Variants in SLX4 observed in about 807,000 individuals in gnomAD.
SLX4 encodes SLX4 structure-specific endonuclease subunit.
SLX4 carries 112 observed loss-of-function variants against 146.2 expected under a neutral mutation model. The observed-to-expected ratio is 0.77, with a 90% CI of 0.66 to 0.90. The LOEUF (loss-of-function observed/expected upper bound fraction) is 0.90, where lower values mean the gene tolerates loss of function less well. SLX4 is among the 40% of genes least tolerant of loss of function. The probability of loss-of-function intolerance (pLI) is 0.00; values close to 1 mark genes in which losing one functional copy is unlikely to be tolerated. For synonymous variants in SLX4, 1,061 were observed against 997.7 expected (o/e 1.06, Z -1.20); for missense variants, 2,563 against 2,392.7 (o/e 1.07, Z -1.49).
At chr16:3,585,352 C>T (rs896038954) in intron 12 of SLX4, among the ~76,000 whole-genome samples, 3 of 152,010 alleles carry the variant, frequency 2.0e-5, no homozygotes, top group East Asian at 1.9e-4. Flanking sequence ...TTTGGGAGGC[C>T]GAGGTGGGCG....
chr16:3,590,225 G>A lies in SLX4; in HGVS notation c.3413C>T (p.Ser1138Phe). 6.2e-7 allele frequency: 1 copy of A among 1,614,206 alleles called. No individual in the cohort carries two copies. Among genetic ancestry groups the A allele is most frequent in the Non-Finnish European group, 8.5e-7 (1 of 1,180,032 alleles). The change falls in exon 12 of 15, where the codon TCT (serine) becomes TTT (phenylalanine). Residue 1138 changes from serine to phenylalanine, a missense_variant. Ser to Phe is a radical substitution (Grantham distance 155). Transcript: ENST00000294008. This position sits in a 1 kb window ranked among gnomAD's most constrained non-coding sequence, Gnocchi z 4.8. Reference sequence around the variant, plus strand: ...GTTCAGTTTGGATGAAGATTTCTGAGATCTGGAGCTCGAATGGTCAGGATT... The same window carrying A: ...GTTCAGTTTGGATGAAGATTTCTGAAATCTGGAGCTCGAATGGTCAGGATT... ...QSNPDHSSSRSQKSSSKLNEE... is the reference protein window; with the variant it reads ...QSNPDHSSSRFQKSSSKLNEE...
chr16:3,597,242 GC>G lies in SLX4; in HGVS notation c.1683+136del. ...GAGAAGAAAGCTGCAGCCACCAAGT[GC>G]CCCTCTGGCCTCCTCCCGCCTCTGC... is the stretch of plus-strand genomic sequence containing the variant. On this transcript the variant is annotated intron_variant, in intron 7 of 14. Coordinates refer to ENST00000294008, the MANE Select transcript of SLX4 (RefSeq NM_032444.4). This position sits in a 1 kb window ranked among gnomAD's most constrained non-coding sequence, Gnocchi z 4.4. 3.2e-6 allele frequency: 3 copies of G among 933,990 alleles called. No homozygotes were observed. In the Admixed American group the frequency reaches 8.7e-5, roughly 27 times the overall value. 57.9% of individuals were successfully genotyped at this position (933,990 alleles called of 1,614,324 possible). A position where few individuals can be genotyped will look rare whatever the true frequency, so the allele number is the denominator to read the frequency against.
rs746120772 is a variant in SLX4 at position 3,583,251 on chromosome 16, G to A, written c.4999C>T (p.His1667Tyr). 6.2e-7 allele frequency: 1 copy of A among 1,614,204 alleles called. No homozygotes were observed. The highest frequency in any genetic ancestry group is 1.1e-5 in the South Asian group (1 of 91,088). Residue 1667 changes from histidine to tyrosine, a missense_variant, in exon 14 of 15, where the codon CAT becomes TAT. By Grantham distance (83) the His-to-Tyr change is moderately conservative (BLOSUM62 2). Coordinates refer to ENST00000294008, the MANE Select transcript of SLX4 (RefSeq NM_032444.4). ...ATGCTTTCATGATGCTTCCTTTGAT[G>A]TCGGGGGCCCTTGGTCTTAGCAGGT... ...KGPAKTKGPR[H>Y]QRKHHESITP...
rs770186715 is a variant in SLX4, at chr16:3,606,706, G to A, written c.536-8C>T. 1.2e-6 allele frequency: 2 copies of A among 1,613,900 alleles called. No homozygotes were observed. The highest frequency in any genetic ancestry group is 2.2e-5 in the South Asian group (2 of 91,076). ...CGCTGTTGGGCACATTCTCTGGCAA[G>A]GAGGAAAATATTCACAACCATCTGT... On this transcript the variant is annotated splice_polypyrimidine_tract_variant and splice_region_variant and intron_variant, in intron 2 of 14. Coordinates refer to ENST00000294008, the MANE Select transcript of SLX4 (RefSeq NM_032444.4).
rs757391667 is a variant in SLX4 at position 3,581,735 on chromosome 16, C to T, written c.*607G>A. 1.3e-5 allele frequency: 2 copies of T among 158,008 alleles called. No homozygotes were observed. The highest frequency in any genetic ancestry group is 2.8e-5 in the Non-Finnish European group (2 of 71,610). 9.8% of individuals were successfully genotyped at this position (158,008 alleles called of 1,614,324 possible). A position where few individuals can be genotyped will look rare whatever the true frequency, so the allele number is the denominator to read the frequency against. ...ACTGCCCCCTGGGACAGCTGAGGGC[C>T]CTCTTGGGTTAAGGGAGACACACTG... On this transcript the variant is annotated 3_prime_UTR_variant, in exon 15 of 15. Transcript: ENST00000294008.
rs543071212 is a variant in SLX4 at position 3,602,272 on chromosome 16, C to T, written c.796G>A (p.Ala266Thr). The change falls in exon 4 of 15, where the codon GCT becomes ACT. Residue 266 changes from alanine to threonine, a missense_variant. Coordinates refer to ENST00000294008, the MANE Select transcript of SLX4 (RefSeq NM_032444.4). ...GLGPPAPESD[A>T]AVALTLQQEF... ...TGCTGCAGGGTCAAGGCCACCGCAG[C>T]GTCGCTCTCTGGGGCAGGGGGCCCA... is the stretch of plus-strand genomic sequence containing the variant. 33 of 1,614,140 alleles carry T rather than the reference C, an allele frequency of 2.0e-5. No homozygotes were observed. The highest frequency in any genetic ancestry group is 9.3e-5 in the African/African-American group (7 of 75,070).
rs984137258 is a variant in SLX4 at position 3,582,620 on chromosome 16, A to G, written c.5227T>C (p.Ser1743Pro). 4 of 1,613,596 alleles carry G rather than the reference A, an allele frequency of 2.5e-6. No homozygotes were observed. The highest frequency in any genetic ancestry group is 1.1e-5 in the South Asian group (1 of 91,088). Residue 1743 changes from serine to proline, a missense_variant, in exon 15 of 15, where the codon TCG becomes CCG. Transcript: ENST00000294008. ...TCCGCCGCCTGCACGGCTGCCTGCG[A>G]GGCACTGACCTCCCCCTCGCCCTCC... ...EEEGEGEVSASQAAVQAADTD... is the reference protein window; with the variant it reads ...EEEGEGEVSAPQAAVQAADTD...
chr16:3,593,197 G>A (rs1394599629), intron 10 of SLX4, among the ~76,000 whole-genome samples: 1 of 151,958 alleles, frequency 6.6e-6, no homozygotes, highest in South Asian at 2.1e-4. Context: ...TCAGCCTCCC[G>A]AGTAGCTGGG....
chr16:3,590,021 C>A lies in SLX4; in HGVS notation c.3617G>T (p.Ser1206Ile), dbSNP rs756528917. ...CAGCACAGCTTCGCTTCTTGGTGGGCTCTGGGAAGGTTCCTGATCTGCATC... is the reference window on the plus strand; with the variant it reads ...CAGCACAGCTTCGCTTCTTGGTGGGATCTGGGAAGGTTCCTGATCTGCATC... ...DVDADQEPSQSPPRSEAVLQQ... is the reference protein window; with the variant it reads ...DVDADQEPSQIPPRSEAVLQQ... The change falls in exon 12 of 15, where the codon AGC becomes ATC. Residue 1206 changes from serine to isoleucine, a missense_variant. Coordinates refer to ENST00000294008, the MANE Select transcript of SLX4 (RefSeq NM_032444.4). This position sits in a 1 kb window ranked among gnomAD's most constrained non-coding sequence, Gnocchi z 4.8. The A allele has an allele frequency of 1.9e-6, 3 of 1,614,134 alleles. No homozygotes were observed. Among genetic ancestry groups the A allele is most frequent in the Non-Finnish European group, 2.5e-6 (3 of 1,180,044 alleles).
chr16:3,588,909 G>T, intron 12 of SLX4, 93 bp downstream of exon 12: 1 of 1,520,028 alleles, frequency 6.6e-7, no homozygotes. Context: ...CATTCAGAGG[G>T]CAGCCCCTGG....
chr16:3,595,853 C>G (rs2040646484), intron 8 of SLX4, among the ~76,000 whole-genome samples, 160 bp from the exon 9 acceptor site: 1 of 152,196 alleles, frequency 6.6e-6, no homozygotes, highest in South Asian at 2.1e-4. Flanking sequence ...CACACCCTGT[C>G]TCACCACCAC....
intron 10 of SLX4, 94 bp from the exon 11 acceptor site, chr16:3,592,959 C>A: frequency 7.6e-7 from 1 of 1,310,822 alleles, no homozygotes; most frequent in Non-Finnish European, 1.0e-6. Flanking sequence ...AGTCACTAGT[C>A]TTTTTATTTT....
Position 3,590,931 on chromosome 16 carries a change from C to A in SLX4, c.2707G>T (p.Val903Leu). The A allele has an allele frequency of 6.2e-7, 1 of 1,614,192 alleles. No homozygotes were observed. The highest frequency in any genetic ancestry group is 8.5e-7 in the Non-Finnish European group (1 of 1,180,034). The change falls in exon 12 of 15, where the codon GTG (valine) becomes TTG (leucine). Residue 903 changes from valine to leucine, a missense_variant. Physicochemically the swap from Val to Leu is conservative, Grantham distance 32. Coordinates refer to ENST00000294008, the MANE Select transcript of SLX4 (RefSeq NM_032444.4). This position sits in a 1 kb window ranked among gnomAD's most constrained non-coding sequence, Gnocchi z 4.8. ...GVQVQKQWDK[V>L]EEMEPLEPGR... The stretch of plus-strand genomic sequence containing the variant: ...GGCTCCAACGGCTCCATCTCCTCCA[C>A]CTTGTCCCACTGTTTCTGCACCTGG...
In SLX4 at chr16:3,609,060, T is replaced by G. The variant is rs993833807; in HGVS notation, c.-96A>C. The G allele has an allele frequency of 2.8e-6, 4 of 1,429,968 alleles. No homozygotes were observed. The Middle Eastern group carries it at 9.6e-4, about 345-fold the overall frequency. The allele number at this position is 1,429,968 out of a possible 1,614,324, so 88.6% of individuals were successfully genotyped here. A position where few individuals can be genotyped will look rare whatever the true frequency, so the allele number is the denominator to read the frequency against. On this transcript the variant is annotated 5_prime_UTR_variant, in exon 2 of 15. Transcript: ENST00000294008. ...CTCTCTATAATGATTGAAGTATCTTTGTTCAAATTGGGCCTGTGGTTAAAC... is the reference window on the plus strand; with the variant it reads ...CTCTCTATAATGATTGAAGTATCTTGGTTCAAATTGGGCCTGTGGTTAAAC...
intron 10 of SLX4, among the ~76,000 whole-genome samples, chr16:3,593,363 T>C (rs796328620): frequency 1.5e-4 from 23 of 152,258 alleles, no homozygotes; most frequent in African/African-American, 5.5e-4. Flanking sequence ...CGTGAGCCAC[T>C]GCGCCCAGCC....
Position 3,609,054 on chromosome 16 carries a change from T to C in SLX4, c.-90A>G. ...GTTTTCCTCTCTATAATGATTGAAG[T>C]ATCTTTGTTCAAATTGGGCCTGTGG... On this transcript the variant is annotated 5_prime_UTR_variant, in exon 2 of 15. It adds an upstream start codon to the 5' untranslated region. Coordinates refer to ENST00000294008, the MANE Select transcript of SLX4 (RefSeq NM_032444.4). 6.8e-7 allele frequency: 1 copy of C among 1,460,786 alleles called. No individual in the cohort carries two copies. Among genetic ancestry groups the C allele is most frequent in the Non-Finnish European group, 9.3e-7 (1 of 1,075,134 alleles). 90.5% of individuals were successfully genotyped at this position (1,460,786 alleles called of 1,614,324 possible). A position where few individuals can be genotyped will look rare whatever the true frequency, so the allele number is the denominator to read the frequency against.
intron 2 of SLX4, among the ~76,000 whole-genome samples, chr16:3,607,790 CCACA>C (rs775277464): frequency 6.6e-6 from 1 of 152,140 alleles, no homozygotes; most frequent in Non-Finnish European, 1.5e-5. Context: ...GGACTTGAGC[CCACA>C]CAGAGTCCTC....
At position 3,589,319 on chromosome 16, in the gene SLX4, T is replaced by C. The variant is rs771610916; in HGVS notation, c.4319A>G (p.His1440Arg). Residue 1440 changes from histidine (H) to arginine (R), a missense_variant, in exon 12 of 15, where the codon CAC becomes CGC. Transcript: ENST00000294008. The surrounding 1 kb of genome is among the most constrained non-coding windows in gnomAD (Gnocchi z 6.2). ...MEPLSPIPIDHWNLERTGPLS... is the reference protein window; with the variant it reads ...MEPLSPIPIDRWNLERTGPLS... The stretch of plus-strand genomic sequence containing the variant: ...GGGGCCGGTCCGCTCCAGGTTCCAG[T>C]GGTCAATGGGAATTGGCGAGAGGGG... The C allele has an allele frequency of 5.1e-6, 8 of 1,578,396 alleles. No homozygotes were observed. The South Asian group carries it at 9.3e-5, about 18-fold the overall frequency.
At position 3,597,096 on chromosome 16, in the gene SLX4, C is replaced by T. The variant is rs536261223; in HGVS notation, c.1683+283G>A. 3.3e-5 allele frequency among the ~76,000 whole-genome samples: 5 copies of T among 152,284 alleles called. No homozygotes were observed. Among genetic ancestry groups the T allele is most frequent in the Non-Finnish European group, 5.9e-5 (4 of 68,020 alleles). ...TCAGCCTCCCAAAGTGCAGGGATTA[C>T]GGGCGTGAGCCACTGCGCCCGGCCG... On this transcript the variant is annotated intron_variant, in intron 7 of 14. Transcript: ENST00000294008. This position sits in a 1 kb window ranked among gnomAD's most constrained non-coding sequence, Gnocchi z 4.4.
Sources: allele counts gnomAD v4.1 joint callset (sites outside exome capture counted in the v4.1 genomes callset), GRCh38; gene constraint gnomAD v4.1.1; non-coding constraint Gnocchi (gnomAD v3.1); transcripts MANE v1.5; gene names NCBI Gene and HGNC (gene_info 2026-07-23, HGNC 2026-07-21).